Variants in SPTB observed in about 807,000 individuals in gnomAD.
SPTB encodes spectrin beta chain, erythrocytic.
SPTB carries 45 observed loss-of-function variants against 256.2 expected under a neutral mutation model. The ratio of observed to expected loss-of-function variants is 0.18; its 90% CI spans 0.14 to 0.23. The LOEUF is 0.23. SPTB is among the 10% of genes least tolerant of loss of function. The pLI, the probability that SPTB is intolerant of heterozygous loss-of-function variation, is 1.00. For missense variants in SPTB, 2,715 were observed against 3,040.4 expected (o/e 0.89, Z 2.52); for synonymous variants, 1,231 against 1,243.1 (o/e 0.99, Z 0.21).
At chr14:64,782,825 A>AAG (rs955603456) in intron 19 of SPTB, among the ~76,000 whole-genome samples, 1 of 151,924 alleles carries the variant, frequency 6.6e-6, no homozygotes, top group African/African-American at 2.4e-5. Context: ...GTTAAAAAAA[A>AAG]AAAAAAAAAG....
intron 2 of SPTB, among the ~76,000 whole-genome samples, chr14:64,812,477 C>T (rs1300798714): frequency 6.6e-6 from 1 of 152,194 alleles, no homozygotes; most frequent in Admixed American, 6.5e-5. Flanking sequence ...GAACGCTCTA[C>T]CTCCTCGACA....
chr14:64,854,480 G>A (rs139661418), intron 1 of SPTB, among the ~76,000 whole-genome samples: 14,596 of 151,060 alleles, frequency 0.097, 885 homozygotes, highest in Non-Finnish European at 0.14. Context: ...GGGTTTCACC[G>A]TGTTAGCCAG....
intron 15 of SPTB, among the ~76,000 whole-genome samples, chr14:64,788,460 G>A (rs1456388054): frequency 1.3e-5 from 2 of 152,178 alleles, no homozygotes; most frequent in Non-Finnish European, 2.9e-5. Context: ...AGGAGAGAGA[G>A]CCTGCAGATT....
intron 2 of SPTB, among the ~76,000 whole-genome samples, chr14:64,814,042 C>G (rs1010606744): frequency 6.6e-6 from 1 of 152,202 alleles, no homozygotes; most frequent in Admixed American, 6.5e-5. Flanking sequence ...TTCCCCAACC[C>G]TTAAGGATTT....
Position 64,749,533 on chromosome 14 carries a change from A to G in SPTB, c.6820-60T>C. On this transcript the variant is annotated intron_variant, in intron 35 of 35. Transcript: ENST00000644917. The surrounding 1 kb of genome is among the most constrained non-coding windows in gnomAD (Gnocchi z 4.7). ...CCCACAGCCCCCCACCTCCCGGGCC[A>G]GGCAACAATGGTGGGGGCTCTTGGG... 1 of 1,599,586 alleles carries G rather than the reference A, an allele frequency of 6.3e-7. No individual in the cohort carries two copies. Among genetic ancestry groups the G allele is most frequent in the Admixed American group, 1.7e-5 (1 of 59,642 alleles).
chr14:64,848,441 C>G (rs1017387263), intron 1 of SPTB, among the ~76,000 whole-genome samples: 1 of 152,234 alleles, frequency 6.6e-6, no homozygotes, highest in African/African-American at 2.4e-5. Context: ...CATCGTTTCT[C>G]TCTTGCTGAT....
At chr14:64,752,285 C>T (rs1361129891) in intron 33 of SPTB, 4 of 1,323,118 alleles carry the variant, frequency 3.0e-6, no homozygotes, top group Middle Eastern at 2.1e-4. Context: ...CCTCTTCTGT[C>T]TCCCTCCTCT....
In SPTB at chr14:64,749,949, A is replaced by T. The variant is rs1156755421; in HGVS notation, c.6776+32T>A. The stretch of plus-strand genomic sequence containing the variant: ...CCACTAATGCCAAATCAAGCCATCA[A>T]CCCGAGCTTTCAAAGGCCAGGAAGG... On this transcript the variant is annotated intron_variant, in intron 34 of 35. Transcript: ENST00000644917. This position sits in a 1 kb window ranked among gnomAD's most constrained non-coding sequence, Gnocchi z 4.7. 2 of 1,614,076 alleles carry T rather than the reference A, an allele frequency of 1.2e-6. No individual in the cohort carries two copies. The highest frequency in any genetic ancestry group is 1.7e-5 in the Admixed American group (1 of 60,018).
intron 1 of SPTB, among the ~76,000 whole-genome samples, chr14:64,828,387 G>T (rs931633317): frequency 6.6e-6 from 1 of 152,098 alleles, no homozygotes; most frequent in Non-Finnish European, 1.5e-5. Context: ...TCTGATGTAG[G>T]GACTGGCCCA....
intron 1 of SPTB, among the ~76,000 whole-genome samples, chr14:64,864,707 T>A (rs189215933): frequency 6.6e-6 from 1 of 152,304 alleles, no homozygotes; most frequent in East Asian, 1.9e-4. Context: ...TTCGCAGTAA[T>A]AAGTCTAGGA....
intron 20 of SPTB, 123 bp downstream of exon 20, chr14:64,782,167 T>G (rs1193745695): frequency 7.3e-7 from 1 of 1,366,490 alleles, no homozygotes; most frequent in African/African-American, 1.4e-5. Flanking sequence ...CCATGACATG[T>G]GTTTATCTAT....
Position 64,790,967 on chromosome 14 carries a change from C to T in SPTB, c.2804+752G>A, listed in dbSNP as rs762342518. Among the ~76,000 whole-genome samples, 5 of 152,272 alleles carry T rather than the reference C, an allele frequency of 3.3e-5. No homozygotes were observed. Among genetic ancestry groups the T allele is most frequent in the Admixed American group, 6.5e-5 (1 of 15,294 alleles). ...TCTTCCTTCAAGCCAGCCTCATTAT[C>T]GATACTGCATTTGGCAGAGGCAGGA... On this transcript the variant is annotated intron_variant, in intron 15 of 35. Coordinates refer to ENST00000644917, the MANE Select transcript of SPTB (RefSeq NM_001355436.2). This position sits in a 1 kb window ranked among gnomAD's most constrained non-coding sequence, Gnocchi z 4.8.
intron 2 of SPTB, among the ~76,000 whole-genome samples, chr14:64,822,395 CACACACAGAG>C (rs2083307359): frequency 6.9e-6 from 1 of 145,536 alleles, no homozygotes; most frequent in African/African-American, 2.5e-5. Flanking sequence ...CACACACACA[CACACACAGAG>C]AGATCTATTA....
At chr14:64,769,438 C>CGGG in intron 28 of SPTB, 152 bp downstream of exon 28, 1 of 1,095,330 alleles carries the variant, frequency 9.1e-7, no homozygotes, top group East Asian at 2.6e-5. Flanking sequence ...CTCCAATCCC[C>CGGG]GGGCCTGTGT....
In SPTB at chr14:64,774,390, C is replaced by A; in HGVS notation, c.4973+7G>T. On this transcript the variant is annotated splice_region_variant and intron_variant, in intron 24 of 35. Coordinates refer to ENST00000644917, the MANE Select transcript of SPTB (RefSeq NM_001355436.2). ...CCTGACCGAGTCACCACAGGGGGCG[C>A]ACGCACCCCTCAGGGTGGCCTGCAG... 2 of 1,586,474 alleles carry A rather than the reference C, an allele frequency of 1.3e-6. No homozygotes were observed. Among genetic ancestry groups the A allele is most frequent in the Non-Finnish European group, 1.7e-6 (2 of 1,167,514 alleles).
chr14:64,846,313 T>G (rs2083691895), intron 1 of SPTB, among the ~76,000 whole-genome samples: 1 of 152,130 alleles, frequency 6.6e-6, no homozygotes, highest in Non-Finnish European at 1.5e-5. Context: ...CAGGGGGGAT[T>G]GTAAAGACCC....
Position 64,777,082 on chromosome 14 carries a change from G to A in SPTB, c.4564-1679C>T, listed in dbSNP as rs914380983. Among the ~76,000 whole-genome samples, 1 of 152,216 alleles carries A rather than the reference G, an allele frequency of 6.6e-6. No individual in the cohort carries two copies. The highest frequency in any genetic ancestry group is 2.4e-5 in the African/African-American group (1 of 41,452). ...TGTGGCAGGAGCCACTTTAGCTAAG[G>A]GAGTCAGGGAGGGCCTCTCTGAGGA... On this transcript the variant is annotated intron_variant, in intron 22 of 35. Transcript: ENST00000644917. The surrounding 1 kb of genome is among the most constrained non-coding windows in gnomAD (Gnocchi z 4.5).
chr14:64,870,878 C>T (rs559636652), intron 1 of SPTB, among the ~76,000 whole-genome samples: 2 of 152,260 alleles, frequency 1.3e-5, no homozygotes, highest in East Asian at 3.9e-4. Context: ...GTAGAAGCAA[C>T]CCAAGTGTCC....
chr14:64,797,973 A>G (rs552496453), intron 9 of SPTB, 127 bp from the exon 10 acceptor site: 2 of 771,084 alleles, frequency 2.6e-6, no homozygotes, highest in Admixed American at 1.8e-5. Flanking sequence ...TTAAAAACAC[A>G]GAAAAACTAA....
Sources: allele counts gnomAD v4.1 joint callset (sites outside exome capture counted in the v4.1 genomes callset), GRCh38; gene constraint gnomAD v4.1.1; non-coding constraint Gnocchi (gnomAD v3.1); transcripts MANE v1.5; gene names NCBI Gene and HGNC (gene_info 2026-07-23, HGNC 2026-07-21).